The following HYDIN variants were observed in gnomAD, a reference collection of about 807,000 sequenced individuals.
HYDIN encodes the protein HYDIN axonemal central pair apparatus protein.
HYDIN carries 132 observed loss-of-function variants against 403.9 expected under a neutral mutation model. The ratio of observed to expected loss-of-function variants is 0.33; its 90% confidence interval spans 0.28 to 0.38. HYDIN has a LOEUF of 0.38. Ranked by LOEUF, HYDIN falls within the 10% of genes least tolerant of loss-of-function variation. HYDIN has a pLI of 1.00. For synonymous variants in HYDIN, 1,202 were observed against 1,891.7 expected, an observed-to-expected ratio of 0.64 and a Z score of 9.46; for missense variants, 2,827 against 5,009.5, an observed-to-expected ratio of 0.56 and a Z score of 13.15.
At chr16:71,069,749 T>C (rs2082400390) in intron 13 of HYDIN, among the ~76,000 whole-genome samples, 4 of 152,264 alleles carry the variant, frequency 2.6e-5, no homozygotes. Flanking sequence ...GCATTTACTA[T>C]GTGGGAGATT....
chr16:70,872,611 C>G (rs1230466414), intron 64 of HYDIN, among the ~76,000 whole-genome samples: 1 of 147,552 alleles, frequency 6.8e-6, no homozygotes, highest in Non-Finnish European at 1.5e-5. Flanking sequence ...AGCCATCATC[C>G]ACCCACCCAC....
At chr16:71,110,769 AG>A (rs1285895462) in intron 10 of HYDIN, among the ~76,000 whole-genome samples, 1 of 142,240 alleles carries the variant, frequency 7.0e-6, no homozygotes, top group Non-Finnish European at 1.5e-5. Flanking sequence ...CACAGAAAAA[AG>A]TGACTGCATA....
intron 35 of HYDIN, among the ~76,000 whole-genome samples, chr16:70,972,011 A>G (rs1386092391): frequency 6.6e-6 from 1 of 152,046 alleles, no homozygotes; most frequent in East Asian, 1.9e-4. Flanking sequence ...ACTTTGACCA[A>G]TTCCAACTCA....
chr16:70,839,373 A>G (rs2037657263), intron 76 of HYDIN, among the ~76,000 whole-genome samples: 1 of 147,518 alleles, frequency 6.8e-6, no homozygotes, highest in South Asian at 2.1e-4. Flanking sequence ...TGGCCACTAG[A>G]CACATGTGGT....
intron 1 of HYDIN, 98 bp downstream of exon 1, chr16:71,230,464 G>C (rs2041231649): frequency 7.2e-7 from 1 of 1,380,424 alleles, no homozygotes; most frequent in Non-Finnish European, 9.6e-7. Flanking sequence ...AGAACGCCTG[G>C]GACGCAGGGC....
chr16:70,991,307 G>C lies in HYDIN; in HGVS notation c.3864+11C>G. The C allele has an allele frequency of 1.2e-6, 2 of 1,613,838 alleles. No homozygotes were observed. The highest frequency in any genetic ancestry group is 1.7e-6 in the Non-Finnish European group (2 of 1,179,856). ...GACCTGCCTACCCTCCCCATGGAAAGGACACCGTACATCTGAGATCACACT... is the reference window on the plus strand; with the variant it reads ...GACCTGCCTACCCTCCCCATGGAAACGACACCGTACATCTGAGATCACACT... On this transcript the variant is annotated intron_variant, in intron 25 of 85. Coordinates refer to ENST00000393567, the MANE Select transcript of HYDIN (RefSeq NM_001270974.2).
intron 28 of HYDIN, among the ~76,000 whole-genome samples, chr16:70,982,768 T>C (rs1405046474): frequency 8.6e-6 from 1 of 115,654 alleles, no homozygotes; most frequent in African/African-American, 3.8e-5. Flanking sequence ...AGTTTCCTAC[T>C]GATAGACATT....
chr16:71,149,046 C>CG (rs1404373617), intron 7 of HYDIN, among the ~76,000 whole-genome samples: 2 of 127,636 alleles, frequency 1.6e-5, no homozygotes, highest in Admixed American at 1.6e-4. Flanking sequence ...CCACCATGCC[C>CG]GGCCAAGAAT....
chr16:71,174,975 C>T (rs2086608264), intron 5 of HYDIN, among the ~76,000 whole-genome samples: 1 of 152,074 alleles, frequency 6.6e-6, no homozygotes, highest in Admixed American at 6.6e-5. Context: ...CCCAAACTTC[C>T]TAGAAGCCAA....
chr16:71,021,941 T>C (rs1356125910), intron 21 of HYDIN, among the ~76,000 whole-genome samples: 1 of 152,048 alleles, frequency 6.6e-6, no homozygotes, highest in Non-Finnish European at 1.5e-5. Flanking sequence ...TTGTACTCTA[T>C]GAGTCTCCCT....
chr16:70,812,937 A>G (rs1489017244), intron 84 of HYDIN, among the ~76,000 whole-genome samples: 2 of 151,980 alleles, frequency 1.3e-5, no homozygotes, highest in Non-Finnish European at 2.9e-5. Context: ...TAAATGATGA[A>G]AGACTGTGGC....
chr16:71,140,810 C>T (rs918275718), intron 7 of HYDIN, among the ~76,000 whole-genome samples: 2 of 151,994 alleles, frequency 1.3e-5, no homozygotes, highest in Admixed American at 1.3e-4. Context: ...ATAGGCCAAT[C>T]TATAGGCCAA....
intron 8 of HYDIN, among the ~76,000 whole-genome samples, chr16:71,136,671 G>A (rs2084932184): frequency 1.4e-5 from 2 of 147,142 alleles, no homozygotes; most frequent in South Asian, 4.5e-4. Flanking sequence ...GGAGGCTGAG[G>A]CAGGAGAATT....
At chr16:70,859,553 A>G (rs1351353085) in intron 71 of HYDIN, among the ~76,000 whole-genome samples, 1 of 152,136 alleles carries the variant, frequency 6.6e-6, no homozygotes, top group African/African-American at 2.4e-5. Context: ...ATTCTCTGCA[A>G]CTGGCTGGAC....
intron 1 of HYDIN, among the ~76,000 whole-genome samples, chr16:71,189,281 T>A (rs2087301560): frequency 6.6e-6 from 1 of 152,112 alleles, no homozygotes; most frequent in Non-Finnish European, 1.5e-5. Context: ...GAAAGAGAGA[T>A]TTCTCTGAAT....
At chr16:71,229,443 C>T (rs1019385850) in intron 1 of HYDIN, among the ~76,000 whole-genome samples, 4 of 152,124 alleles carry the variant, frequency 2.6e-5, no homozygotes, top group African/African-American at 9.7e-5. Flanking sequence ...TATGTCCATA[C>T]AAATACCTGT....
At chr16:71,154,502 ATTTTTTCTAACTATTTT>A (rs2085676488) in intron 6 of HYDIN, among the ~76,000 whole-genome samples, 1 of 129,498 alleles carries the variant, frequency 7.7e-6, no homozygotes, top group African/African-American at 3.1e-5. Flanking sequence ...AGTCTTATTC[ATTTTTTCTAACTATTTT>A]TTAATACCCA....
In HYDIN at chr16:70,809,791, A is replaced by G. The variant is rs1026337210; in HGVS notation, c.14875T>C (p.Tyr4959His). Residue 4959 changes from tyrosine to histidine, a missense_variant, in exon 85 of 86, where the codon TAC becomes CAC. Coordinates refer to ENST00000393567, the MANE Select transcript of HYDIN (RefSeq NM_001270974.2). ...GAGCAGGGGCCACTCACCCTGCAGTAGTATTCTGTCCTCTGCCGTGTGTAA... is the reference window on the plus strand; with the variant it reads ...GAGCAGGGGCCACTCACCCTGCAGTGGTATTCTGTCCTCTGCCGTGTGTAA... Reference protein sequence around the residue: ...INYTRQRTEYYCRTDCTDFHA... With the variant: ...INYTRQRTEYHCRTDCTDFHA... 2.2e-5 allele frequency: 35 copies of G among 1,612,632 alleles called. No homozygotes were observed. The highest frequency in any genetic ancestry group is 2.7e-5 in the Non-Finnish European group (32 of 1,178,646).
chr16:70,931,291 ATCC>A (rs1286009908), intron 45 of HYDIN, among the ~76,000 whole-genome samples: 3 of 132,898 alleles, frequency 2.3e-5, no homozygotes, highest in Non-Finnish European at 4.7e-5. Context: ...AGCTCATGCA[ATCC>A]TCCTGTTTCA....
Sources: allele counts gnomAD v4.1 joint callset (sites outside exome capture counted in the v4.1 genomes callset), GRCh38; gene constraint gnomAD v4.1.1; transcripts MANE v1.5; gene names NCBI Gene and HGNC (gene_info 2026-07-23, HGNC 2026-07-21).